Variants in GLIS3 observed in about 807,000 individuals in gnomAD.
GLIS3 encodes GLIS family zinc finger 3.
A neutral mutation model predicts 78.6 loss-of-function variants in GLIS3; 53 were observed. The ratio of observed to expected loss-of-function variants is 0.67; its 90% CI spans 0.54 to 0.85. GLIS3 has a LOEUF of 0.85. Among genes scored for constraint, GLIS3 ranks in the 40% least tolerant of loss-of-function variants. The pLI, the probability that GLIS3 is intolerant of heterozygous loss-of-function variation, is 0.00. For synonymous variants in GLIS3, 684 were observed against 509.9 expected (o/e 1.34, Z -4.60); for missense variants, 1,703 against 1,231.1 (o/e 1.38, Z -5.74).
At chr9:4,261,416 C>G (rs530215961) in intron 2 of GLIS3, among the ~76,000 whole-genome samples, 6 of 152,116 alleles carry the variant, frequency 3.9e-5, no homozygotes, top group Non-Finnish European at 8.8e-5. Flanking sequence ...AAAAAGAGAA[C>G]AGAAGGGATG....
intron 2 of GLIS3, among the ~76,000 whole-genome samples, chr9:4,148,973 C>G (rs749875105): frequency 8.6e-5 from 13 of 152,026 alleles, no homozygotes; most frequent in Non-Finnish European, 1.9e-4. Flanking sequence ...GACTTCTCAC[C>G]TTTCCCATGA....
At chr9:4,435,760 T>C in the GLIS3 span, among the ~76,000 whole-genome samples, 611 of 152,094 alleles carry the variant, frequency 4.0e-3, 2 homozygotes, top group African/African-American at 0.014. Context: ...CCATCCTGGC[T>C]AATACAGTGA....
At chr9:3,948,528 C>G (rs1816450825) in intron 4 of GLIS3, among the ~76,000 whole-genome samples, 1 of 152,158 alleles carries the variant, frequency 6.6e-6, no homozygotes, top group South Asian at 2.1e-4. Flanking sequence ...AGAATTGTAA[C>G]CTCAATCCCC....
chr9:3,863,988 A>T (rs1406844642), intron 8 of GLIS3, among the ~76,000 whole-genome samples: 1 of 152,166 alleles, frequency 6.6e-6, no homozygotes. Flanking sequence ...CTGACTGCAG[A>T]ATTGGCTGTG....
At chr9:4,030,285 T>G (rs541092776) in intron 4 of GLIS3, among the ~76,000 whole-genome samples, 2 of 152,206 alleles carry the variant, frequency 1.3e-5, no homozygotes, top group Non-Finnish European at 2.9e-5. Context: ...CCCAATTTTT[T>G]GACTGGATTA....
Position 4,118,031 on chromosome 9 carries a change from G to T in GLIS3, c.1447C>A (p.Pro483Thr), listed in dbSNP as rs752451798. 3 of 1,599,646 alleles carry T rather than the reference G, an allele frequency of 1.9e-6. No individual in the cohort carries two copies. The highest frequency in any genetic ancestry group is 2.6e-6 in the Non-Finnish European group (3 of 1,172,940). ...LGPHAQQLAL[P>T]QATLDDDGEM... Reference sequence around the variant, plus strand: ...CCGTCGTCGTCCAGGGTGGCCTGGGGCAAGGCCAGCTGCTGGGCGTGGGGC... The same window carrying T: ...CCGTCGTCGTCCAGGGTGGCCTGGGTCAAGGCCAGCTGCTGGGCGTGGGGC... Residue 483 changes from proline (P) to threonine (T), a missense_variant, in exon 4 of 11, where the codon CCC (proline) becomes ACC (threonine). Physicochemically the swap from Pro to Thr is conservative, Grantham distance 38. Transcript: ENST00000381971. This position sits in a 1 kb window ranked among gnomAD's most constrained non-coding sequence, Gnocchi z 4.7.
chr9:4,107,565 G>T (rs1934658), intron 4 of GLIS3, among the ~76,000 whole-genome samples: 1 of 151,968 alleles, frequency 6.6e-6, no homozygotes, highest in Non-Finnish European at 1.5e-5. Context: ...ATAGCAAGCC[G>T]CTGAGATTTG....
chr9:4,474,031 T>C, the GLIS3 span, among the ~76,000 whole-genome samples: 2 of 152,274 alleles, frequency 1.3e-5, no homozygotes, highest in Admixed American at 6.5e-5. Flanking sequence ...CCTAAAGCTA[T>C]CTAAAAATTC....
chr9:4,403,135 A>G, the GLIS3 span, among the ~76,000 whole-genome samples: 1 of 152,198 alleles, frequency 6.6e-6, no homozygotes, highest in Non-Finnish European at 1.5e-5. Flanking sequence ...TTTTCAGTGG[A>G]AACCTTATAG....
At chr9:4,318,806 G>A (rs771247970) in intron 2 of GLIS3, among the ~76,000 whole-genome samples, 1 of 152,272 alleles carries the variant, frequency 6.6e-6, no homozygotes, top group Non-Finnish European at 1.5e-5. Context: ...AAGTTTGTTG[G>A]TGAACAGGAT....
chr9:4,096,130 T>G (rs879787454), intron 4 of GLIS3, among the ~76,000 whole-genome samples: 2 of 152,104 alleles, frequency 1.3e-5, no homozygotes, highest in African/African-American at 4.8e-5. Context: ...GATAAATTCA[T>G]TGACCAAAGG....
chr9:4,257,014 C>T (rs1370559187), intron 2 of GLIS3, among the ~76,000 whole-genome samples: 1 of 152,002 alleles, frequency 6.6e-6, no homozygotes, highest in Non-Finnish European at 1.5e-5. Flanking sequence ...ATATATAGTA[C>T]ATATATGTGT....
intron 2 of GLIS3, among the ~76,000 whole-genome samples, chr9:4,215,276 T>A (rs1210815285): frequency 1.3e-5 from 2 of 152,170 alleles, no homozygotes; most frequent in Admixed American, 6.6e-5. Context: ...TGCACCGTTA[T>A]TGGCCACAGT....
intron 2 of GLIS3, among the ~76,000 whole-genome samples, chr9:4,258,201 T>A (rs1284252490): frequency 6.6e-6 from 1 of 152,144 alleles, no homozygotes; most frequent in Non-Finnish European, 1.5e-5. Context: ...GAAAACAACA[T>A]TATTTAAATA....
At chr9:4,108,598 C>A (rs538183490) in intron 4 of GLIS3, among the ~76,000 whole-genome samples, 2 of 152,064 alleles carry the variant, frequency 1.3e-5, no homozygotes, top group Non-Finnish European at 2.9e-5. Context: ...GCCACTGGGA[C>A]GAGGGATGTG....
chr9:4,453,275 C>G, the GLIS3 span, among the ~76,000 whole-genome samples: 1 of 141,922 alleles, frequency 7.0e-6, no homozygotes, highest in South Asian at 2.3e-4. Context: ...GTCTAAAACA[C>G]CAAAAGCAAT....
intron 2 of GLIS3, among the ~76,000 whole-genome samples, chr9:4,126,145 C>T (rs1251308851): frequency 2.6e-5 from 4 of 152,026 alleles, no homozygotes; most frequent in African/African-American, 9.7e-5. Context: ...CCATAATCAG[C>T]ACTCATACAA....
chr9:3,905,343 G>A (rs1339479143), intron 6 of GLIS3, among the ~76,000 whole-genome samples: 1 of 151,902 alleles, frequency 6.6e-6, no homozygotes, highest in African/African-American at 2.4e-5. Context: ...GTTCTAGGAG[G>A]GAAAGAACCT....
At chr9:4,370,779 C>G in the GLIS3 span, among the ~76,000 whole-genome samples, 2 of 151,880 alleles carry the variant, frequency 1.3e-5, no homozygotes, top group Non-Finnish European at 2.9e-5. Context: ...ATGAAGTTCA[C>G]CCATTCTCAA....
Sources: allele counts gnomAD v4.1 joint callset (sites outside exome capture counted in the v4.1 genomes callset), GRCh38; gene constraint gnomAD v4.1.1; non-coding constraint Gnocchi (gnomAD v3.1); transcripts MANE v1.5; gene names NCBI Gene and HGNC (gene_info 2026-07-23, HGNC 2026-07-21).